KIF26B: variants seen among roughly 807,000 people sequenced by gnomAD.
KIF26B encodes the protein kinesin family member 26B, also known as kinesin-like protein KIF26B.
A neutral mutation model predicts 151.2 loss-of-function variants in KIF26B; 63 were observed. The observed-to-expected ratio is 0.42, with a 90% CI of 0.34 to 0.51. KIF26B has a LOEUF of 0.51. KIF26B is among the 20% of genes least tolerant of loss of function. The pLI is 0.07. For missense variants in KIF26B, 2,813 were observed against 2,913.6 expected (o/e 0.97, Z 0.79); for synonymous variants, 1,357 against 1,262.1 (o/e 1.08, Z -1.59).
At chr1:245,452,791 T>C (rs1450048037) in intron 4 of KIF26B, among the ~76,000 whole-genome samples, 2 of 152,178 alleles carry the variant, frequency 1.3e-5, no homozygotes, top group South Asian at 2.1e-4. Flanking sequence ...ATTATCTTTA[T>C]ATTGTTGAGT....
chr1:245,699,306 TC>T (rs2044737517), intron 14 of KIF26B, among the ~76,000 whole-genome samples: 1 of 152,006 alleles, frequency 6.6e-6, no homozygotes, highest in South Asian at 2.1e-4. Flanking sequence ...ATGAGATTTT[TC>T]CCCCTGCGTG....
intron 5 of KIF26B, among the ~76,000 whole-genome samples, chr1:245,553,050 G>A (rs1209544868): frequency 6.6e-6 from 1 of 152,154 alleles, no homozygotes; most frequent in Non-Finnish European, 1.5e-5. Context: ...AGAGTGGATG[G>A]GGTGACACCA....
chr1:245,190,047 G>A (rs185001991), intron 2 of KIF26B, among the ~76,000 whole-genome samples: 9 of 151,120 alleles, frequency 6.0e-5, no homozygotes, highest in African/African-American at 1.9e-4. Flanking sequence ...CCCACAACAC[G>A]TGGGAATTAT....
At chr1:245,306,371 G>A (rs937805234) in intron 2 of KIF26B, among the ~76,000 whole-genome samples, 1 of 152,122 alleles carries the variant, frequency 6.6e-6, no homozygotes, top group African/African-American at 2.4e-5. Context: ...CATTCTCAGG[G>A]GCTGAATTGG....
intron 4 of KIF26B, among the ~76,000 whole-genome samples, chr1:245,496,037 T>C (rs71636570): frequency 0.033 from 5,038 of 152,226 alleles, 131 homozygotes; most frequent in Non-Finnish European, 0.05. Flanking sequence ...GAATCCATCA[T>C]CAGTAGACCA....
intron 2 of KIF26B, among the ~76,000 whole-genome samples, chr1:245,354,988 T>C (rs1672657393): frequency 6.6e-6 from 1 of 152,216 alleles, no homozygotes; most frequent in Admixed American, 6.5e-5. Context: ...TGGCGCGATC[T>C]CGGCTCGCTG....
At chr1:245,640,457 T>G (rs1469254262) in intron 9 of KIF26B, among the ~76,000 whole-genome samples, 1 of 151,880 alleles carries the variant, frequency 6.6e-6, no homozygotes, top group Non-Finnish European at 1.5e-5. Context: ...TCTTACTTAT[T>G]AATCCATTCA....
At chr1:245,424,561 A>G (rs376176491) in intron 4 of KIF26B, among the ~76,000 whole-genome samples, 1 of 152,200 alleles carries the variant, frequency 6.6e-6, no homozygotes, top group Admixed American at 6.5e-5. Flanking sequence ...GAACCTTGTT[A>G]CATTTCAAAT....
Position 245,156,692 on chromosome 1 carries a change from C to G in KIF26B, c.465+9C>G, listed in dbSNP as rs1011135362. ...GGCCCTTCCCGGGCAAGGTGAGCGC[C>G]GCGCGGGGCTGGCTGGGGAGGCGCC... On this transcript the variant is annotated intron_variant, in intron 2 of 14. Coordinates refer to ENST00000407071, the MANE Select transcript of KIF26B (RefSeq NM_018012.4). 7.5e-6 allele frequency: 11 copies of G among 1,470,196 alleles called. No homozygotes were observed. In the Admixed American group the frequency reaches 2.1e-4, roughly 28 times the overall value. The allele number at this position is 1,470,196 out of a possible 1,614,324, so 91.1% of individuals were successfully genotyped here. A position where few individuals can be genotyped will look rare whatever the true frequency, so the allele number is the denominator to read the frequency against.
intron 10 of KIF26B, among the ~76,000 whole-genome samples, chr1:245,672,245 C>G (rs1312521999): frequency 6.6e-6 from 1 of 152,136 alleles, no homozygotes; most frequent in African/African-American, 2.4e-5. Flanking sequence ...CAACTGAGTG[C>G]TGGAAAGACC....
intron 4 of KIF26B, among the ~76,000 whole-genome samples, chr1:245,439,575 C>T (rs1035774441): frequency 5.9e-5 from 9 of 151,980 alleles, no homozygotes; most frequent in Non-Finnish European, 1.0e-4. Context: ...GAAAGTACCA[C>T]GGGAAATCTC....
At chr1:245,188,839 A>C (rs558075793) in intron 2 of KIF26B, among the ~76,000 whole-genome samples, 1 of 152,312 alleles carries the variant, frequency 6.6e-6, no homozygotes. Context: ...GATGAGCAAA[A>C]TGTGGTCTAT....
chr1:245,296,110 A>C (rs959639971), intron 2 of KIF26B, among the ~76,000 whole-genome samples: 6 of 151,852 alleles, frequency 4.0e-5, no homozygotes, highest in African/African-American at 1.5e-4. Context: ...TGGGTTGTAC[A>C]TGCTACTAGG....
At chr1:245,683,086 C>A (rs1328104071) in intron 10 of KIF26B, among the ~76,000 whole-genome samples, 1 of 152,138 alleles carries the variant, frequency 6.6e-6, no homozygotes, top group African/African-American at 2.4e-5. Flanking sequence ...TTGCTCTTAC[C>A]CCACAGTCTT....
Sources: gnomAD v4.1 joint callset for allele counts (sites outside exome capture counted in the v4.1 genomes callset) on GRCh38, gnomAD v4.1.1 for gene constraint, MANE v1.5 for transcripts, NCBI Gene and HGNC (gene_info 2026-07-23, HGNC 2026-07-21) for gene names.